AGAP1: variants seen among roughly 807,000 people sequenced by gnomAD.
AGAP1 encodes ArfGAP with GTPase domain, ankyrin repeat and PH domain 1, also known as arf-GAP with GTPase, ANK repeat and PH domain-containing protein 1.
A neutral mutation model predicts 105.3 loss-of-function variants in AGAP1; 29 were observed. The ratio of observed to expected loss-of-function variants is 0.28; its 90% CI spans 0.21 to 0.38. The LOEUF is 0.38. Among genes scored for constraint, AGAP1 ranks in the 10% least tolerant of loss-of-function variants. The probability of loss-of-function intolerance (pLI) is 1.00; values close to 1 mark genes in which losing one functional copy is unlikely to be tolerated. For missense variants in AGAP1, 998 were observed against 1,165.1 expected, an observed-to-expected ratio of 0.86 and a Z score of 2.09; for synonymous variants, 509 against 485.9, an observed-to-expected ratio of 1.05 and a Z score of -0.63.
At position 235,857,412 on chromosome 2, in the gene AGAP1, G is replaced by A. The variant is rs116867748; in HGVS notation, c.1051-25933G>A. On this transcript the variant is annotated intron_variant, in intron 9 of 17. Transcript: ENST00000304032. ...GCCAAAAAGGTTGGGGGCCGCTGTC[G>A]TAGATCCTTTGACGAGCGTCCCCAA... 7.6e-3 allele frequency among the ~76,000 whole-genome samples: 1,151 copies of A among 152,270 alleles called. 40 individuals carry two copies. The highest frequency in any genetic ancestry group is 0.061 in the Admixed American group (932 of 15,304).
At position 235,708,313 on chromosome 2, in the gene AGAP1, G is replaced by A. The variant is rs139426724; in HGVS notation, c.164-866G>A. 7.4e-3 allele frequency among the ~76,000 whole-genome samples: 1,128 copies of A among 152,302 alleles called. 16 individuals carry two copies. Among genetic ancestry groups the A allele is most frequent in the African/African-American group, 0.026 (1,077 of 41,566 alleles). Reference sequence around the variant, plus strand: ...CGTCATGTGTTGCCCGAGCTGCCATGTGATCACCAGGACAAATGATGACTA... The same window carrying A: ...CGTCATGTGTTGCCCGAGCTGCCATATGATCACCAGGACAAATGATGACTA... On this transcript the variant is annotated intron_variant, in intron 1 of 17. Transcript: ENST00000304032.
intron 9 of AGAP1, among the ~76,000 whole-genome samples, chr2:235,819,145 A>T (rs72983086): frequency 0.012 from 1,698 of 145,010 alleles, 19 homozygotes; most frequent in Non-Finnish European, 0.019. Flanking sequence ...GACAGAGTCT[A>T]CTCTGACACC....
intron 16 of AGAP1, among the ~76,000 whole-genome samples, chr2:236,074,148 G>T (rs2125808916): frequency 6.6e-6 from 1 of 152,308 alleles, no homozygotes; most frequent in East Asian, 1.9e-4. Flanking sequence ...CTGAGGAGCA[G>T]CTTGACGCGG....
At chr2:235,925,281 A>G (rs182367356) in intron 11 of AGAP1, among the ~76,000 whole-genome samples, 1 of 152,316 alleles carries the variant, frequency 6.6e-6, no homozygotes, top group East Asian at 1.9e-4. Flanking sequence ...CTAGGGAAAT[A>G]CAGACATGCC....
intron 9 of AGAP1, among the ~76,000 whole-genome samples, chr2:235,811,308 G>A (rs918312856): frequency 6.6e-6 from 1 of 152,206 alleles, no homozygotes; most frequent in Non-Finnish European, 1.5e-5. Flanking sequence ...TTCAAGACTT[G>A]CCTTGTACTT....
At chr2:235,708,945 A>G (rs6705685) in intron 1 of AGAP1, among the ~76,000 whole-genome samples, 14 of 152,286 alleles carry the variant, frequency 9.2e-5, no homozygotes, top group African/African-American at 3.1e-4. Flanking sequence ...TTTTGAAGTC[A>G]TTGGATAGAG....
Position 235,655,327 on chromosome 2 carries a change from T to C in AGAP1, c.164-53852T>C, listed in dbSNP as rs930716681. On this transcript the variant is annotated intron_variant, in intron 1 of 17. Coordinates refer to ENST00000304032, the MANE Select transcript of AGAP1 (RefSeq NM_001037131.3). The surrounding 1 kb of genome is among the most constrained non-coding windows in gnomAD (Gnocchi z 4.3). Reference sequence around the variant, plus strand: ...ATTCCTTGTGGTGTGTATTAATAAATTGAGTAGGTGAAAAAGACAATAGAT... The same window carrying C: ...ATTCCTTGTGGTGTGTATTAATAAACTGAGTAGGTGAAAAAGACAATAGAT... Among the ~76,000 whole-genome samples the C allele has an allele frequency of 6.6e-6, 1 of 152,146 alleles. No individual in the cohort carries two copies. The highest frequency in any genetic ancestry group is 1.5e-5 in the Non-Finnish European group (1 of 68,032).
chr2:235,927,234 G>A lies in AGAP1; in HGVS notation c.1325-3531G>A, dbSNP rs2052495539. ...CAGAAGGATTGTGGATAGCTGGTCTGGTGTCTTCCATCTGGACACCAGGAG... is the reference window on the plus strand; with the variant it reads ...CAGAAGGATTGTGGATAGCTGGTCTAGTGTCTTCCATCTGGACACCAGGAG... On this transcript the variant is annotated intron_variant, in intron 11 of 17. Transcript: ENST00000304032. The surrounding 1 kb of genome is among the most constrained non-coding windows in gnomAD (Gnocchi z 4.4). Among the ~76,000 whole-genome samples the A allele has an allele frequency of 6.6e-6, 1 of 152,114 alleles. No homozygotes were observed. The highest frequency in any genetic ancestry group is 2.4e-5 in the African/African-American group (1 of 41,418).
At chr2:235,494,914 C>T (rs1465132914) in intron 1 of AGAP1, 65 bp downstream of exon 1, 3 of 1,467,632 alleles carry the variant, frequency 2.0e-6, no homozygotes, top group African/African-American at 1.5e-5. Context: ...CGGGGGTGTG[C>T]GCTGTGTGCG....
chr2:236,119,676 C>T lies in AGAP1; in HGVS notation c.2115-516C>T, dbSNP rs554751124. Among the ~76,000 whole-genome samples, 5 of 151,860 alleles carry T rather than the reference C, an allele frequency of 3.3e-5. No homozygotes were observed. The South Asian group carries it at 6.3e-4, about 19-fold the overall frequency. ...TCGGCCCCAGAGACCATGCTTCCAT[C>T]GTGCGGTCCGTGCTCTCGGCCCCGG... On this transcript the variant is annotated intron_variant, in intron 16 of 17. Transcript: ENST00000304032. This position sits in a 1 kb window ranked among gnomAD's most constrained non-coding sequence, Gnocchi z 6.6.
At chr2:235,956,329 A>C (rs984273145) in intron 12 of AGAP1, among the ~76,000 whole-genome samples, 1 of 152,184 alleles carries the variant, frequency 6.6e-6, no homozygotes, top group African/African-American at 2.4e-5. Flanking sequence ...CAGCTAGAGA[A>C]CAATTTGATT....
chr2:236,048,412 G>C (rs532709224), intron 15 of AGAP1, among the ~76,000 whole-genome samples: 1 of 152,326 alleles, frequency 6.6e-6, no homozygotes, highest in African/African-American at 2.4e-5. Context: ...GTCAGCGTTG[G>C]TTGCGCTGCG....
chr2:235,935,448 A>T (rs1036557595), intron 12 of AGAP1, among the ~76,000 whole-genome samples: 4 of 152,220 alleles, frequency 2.6e-5, no homozygotes, highest in African/African-American at 7.2e-5. Flanking sequence ...TGTTTGACAG[A>T]AGTAATTTTT....
At chr2:235,844,128 G>T (rs1365168757) in intron 9 of AGAP1, among the ~76,000 whole-genome samples, 2 of 152,236 alleles carry the variant, frequency 1.3e-5, no homozygotes, top group Admixed American at 1.3e-4. Flanking sequence ...TCCATTGTCT[G>T]CCTGTGAGAG....
intron 13 of AGAP1, among the ~76,000 whole-genome samples, chr2:236,017,665 C>A (rs2056752193): frequency 6.6e-6 from 1 of 152,174 alleles, no homozygotes. Flanking sequence ...CTCAGCTGTT[C>A]TGGGACTTTC....
rs945269450 is a variant in AGAP1, at chr2:236,120,207, G to A, written c.2130G>A (p.Arg710=). 1 of 1,611,866 alleles carries A rather than the reference G, an allele frequency of 6.2e-7. No individual in the cohort carries two copies. The highest frequency in any genetic ancestry group is 1.1e-5 in the South Asian group (1 of 90,818). The change falls in exon 17 of 18, where the codon CGG becomes CGA. Residue 710 remains arginine (R), a synonymous_variant. Transcript: ENST00000304032. This position sits in a 1 kb window ranked among gnomAD's most constrained non-coding sequence, Gnocchi z 6.0. ...SVDSTREEKE[R]WIRAKYEQKL... is the part of the protein sequence containing the mutation. ...CTCTTTGCAGGGAAGAGAAGGAACGGTGGATCCGTGCCAAGTACGAGCAGA... is the reference window on the plus strand; with the variant it reads ...CTCTTTGCAGGGAAGAGAAGGAACGATGGATCCGTGCCAAGTACGAGCAGA...
In AGAP1 at chr2:235,560,903, G is replaced by C. The variant is rs191620069; in HGVS notation, c.163+66054G>C. 8.5e-4 allele frequency among the ~76,000 whole-genome samples: 130 copies of C among 152,312 alleles called. 2 individuals carry two copies. Among genetic ancestry groups the C allele is most frequent in the African/African-American group, 2.9e-3 (122 of 41,578 alleles). On this transcript the variant is annotated intron_variant, in intron 1 of 17. Transcript: ENST00000304032. ...TGCCTTCTCCACTAGGCCAAGCGAT[G>C]CTCCAGGAAACCTCAGGTCACAGCC...
intron 13 of AGAP1, among the ~76,000 whole-genome samples, chr2:235,974,794 C>T (rs567837399): frequency 3.3e-5 from 5 of 152,344 alleles, no homozygotes; most frequent in Non-Finnish European, 4.4e-5. Flanking sequence ...AATTGTAGAT[C>T]ATTTTATTCT....
In AGAP1 at chr2:235,517,587, A is replaced by G. The variant is rs568473651; in HGVS notation, c.163+22738A>G. Among the ~76,000 whole-genome samples, 3 of 152,338 alleles carry G rather than the reference A, an allele frequency of 2.0e-5. No homozygotes were observed. The highest frequency in any genetic ancestry group is 7.2e-5 in the African/African-American group (3 of 41,576). On this transcript the variant is annotated intron_variant, in intron 1 of 17. Coordinates refer to ENST00000304032, the MANE Select transcript of AGAP1 (RefSeq NM_001037131.3). This position sits in a 1 kb window ranked among gnomAD's most constrained non-coding sequence, Gnocchi z 4.1. ...AAATGTAAAAGAACTTGTTTAGATC[A>G]AAGTCATGTTTTTAAAATATAAACT...
Sources: gnomAD v4.1 joint callset for allele counts (sites outside exome capture counted in the v4.1 genomes callset) on GRCh38, gnomAD v4.1.1 for gene constraint, Gnocchi (gnomAD v3.1) non-coding constraint, MANE v1.5 for transcripts, NCBI Gene and HGNC (gene_info 2026-07-23, HGNC 2026-07-21) for gene names.